The following MARK3 variants were observed in gnomAD, a reference collection of about 807,000 sequenced individuals.
MARK3 encodes MAP/microtubule affinity-regulating kinase 3.
In MARK3, 46 loss-of-function variants were observed where a neutral mutation model predicts 90.1. That is an observed-to-expected ratio of 0.51 (90% CI 0.40 to 0.65). MARK3 has a LOEUF of 0.65. Ranked by LOEUF, MARK3 falls within the 30% of genes least tolerant of loss-of-function variation. The pLI, the probability that MARK3 is intolerant of heterozygous loss-of-function variation, is 0.00. For synonymous variants in MARK3, 321 were observed against 332.6 expected (o/e 0.97, Z 0.38); for missense variants, 818 against 947.2 (o/e 0.86, Z 1.79).
intron 2 of MARK3, among the ~76,000 whole-genome samples, chr14:103,407,178 CAT>C (rs1404724191): frequency 1.3e-5 from 2 of 152,178 alleles, no homozygotes; most frequent in African/African-American, 4.8e-5. Context: ...TTGGAAATAT[CAT>C]AGAGTGTTTA....
intron 6 of MARK3, 44 bp from the exon 7 acceptor site, chr14:103,462,361 G>A (rs771388839): frequency 2.9e-5 from 40 of 1,398,148 alleles, no homozygotes; most frequent in East Asian, 4.6e-5. Flanking sequence ...TCTTAATTAC[G>A]AATCTGCACC....
rs190286270 is a variant in MARK3 at position 103,471,512 on chromosome 14, A to G, written c.1264+3326A>G. On this transcript the variant is annotated intron_variant, in intron 12 of 17. Transcript: ENST00000429436. ...AGCACCTCATTGGAGTAGCTTTTTC[A>G]TAATCCTCATCTTTCTTGGAATTTC... Among the ~76,000 whole-genome samples the G allele has an allele frequency of 1.0e-3, 156 of 152,270 alleles. 5 individuals carry two copies. In the East Asian group the frequency reaches 0.026, roughly 25 times the overall value.
intron 1 of MARK3, chr14:103,386,395 G>A (rs1443501135): frequency 1.5e-6 from 1 of 649,334 alleles, no homozygotes; most frequent in East Asian, 3.1e-5. Context: ...AAACGTGTGT[G>A]TCAGATCACT....
At chr14:103,418,798 A>G (rs2092073439) in intron 2 of MARK3, among the ~76,000 whole-genome samples, 1 of 152,192 alleles carries the variant, frequency 6.6e-6, no homozygotes. Context: ...TTGTTTTTGT[A>G]TATTTTCCAT....
chr14:103,481,757 C>CTGTTTTTTTT (rs2093823882), intron 14 of MARK3, among the ~76,000 whole-genome samples: 1 of 49,778 alleles, frequency 2.0e-5, no homozygotes, highest in Admixed American at 3.6e-4. Flanking sequence ...ATAGGTATTT[C>CTGTTTTTTTT]TTTTTTTTTT....
chr14:103,469,775 T>G (rs1316471214), intron 12 of MARK3, among the ~76,000 whole-genome samples: 2 of 151,814 alleles, frequency 1.3e-5, no homozygotes, highest in Non-Finnish European at 2.9e-5. Flanking sequence ...CTTTTAAAAT[T>G]TTCCTGGCCG....
intron 17 of MARK3, among the ~76,000 whole-genome samples, chr14:103,501,426 G>GTT (rs2075659009): frequency 6.6e-6 from 1 of 152,244 alleles, no homozygotes; most frequent in Non-Finnish European, 1.5e-5. Context: ...GCCACCAGCT[G>GTT]TTGTGGGGGT....
Position 103,466,068 on chromosome 14 carries a change from C to G in MARK3, c.874C>G (p.Pro292Ala). 1 of 1,613,920 alleles carries G rather than the reference C, an allele frequency of 6.2e-7. No individual in the cohort carries two copies. The highest frequency in any genetic ancestry group is 8.5e-7 in the Non-Finnish European group (1 of 1,179,976). The change falls in exon 9 of 18, where the codon CCA (proline) becomes GCA (alanine). Residue 292 changes from proline to alanine, a missense_variant. By Grantham distance (27) the Pro-to-Ala change is conservative. Around this residue, in one of 3 missense-constraint regions of MARK3, gnomAD observed 560 missense variants for 613.5 expected, o/e 0.91. Transcript: ENST00000429436. The stretch of plus-strand genomic sequence containing the variant: ...TCTCAAACGTTTCCTGGTGCTAAAT[C>G]CAATTAAACGCGGCACTCTAGAGGT... The part of the protein sequence containing the change: ...NLLKRFLVLN[P>A]IKRGTLEQIM...
chr14:103,387,971 TC>T (rs1356428288), intron 1 of MARK3, among the ~76,000 whole-genome samples: 1 of 152,102 alleles, frequency 6.6e-6, no homozygotes, highest in African/African-American at 2.4e-5. Context: ...TGGCTCTGTC[TC>T]CCAGGCTGGA....
At chr14:103,410,051 AAT>A (rs1325518193) in intron 2 of MARK3, among the ~76,000 whole-genome samples, 3 of 152,242 alleles carry the variant, frequency 2.0e-5, no homozygotes, top group Non-Finnish European at 2.9e-5. Flanking sequence ...ACCAAAATGG[AAT>A]AGAGTGTTCA....
chr14:103,388,917 A>C (rs1291082117), intron 1 of MARK3, among the ~76,000 whole-genome samples: 1 of 152,044 alleles, frequency 6.6e-6, no homozygotes, highest in African/African-American at 2.4e-5. Flanking sequence ...TAATCCACTC[A>C]CCAGTGATGG....
At chr14:103,421,612 A>C (rs2092225797) in intron 2 of MARK3, among the ~76,000 whole-genome samples, 1 of 152,204 alleles carries the variant, frequency 6.6e-6, no homozygotes, top group South Asian at 2.1e-4. Flanking sequence ...ACACAGAGTT[A>C]TTTTCTATGG....
intron 2 of MARK3, among the ~76,000 whole-genome samples, chr14:103,423,693 C>T (rs560882461): frequency 6.6e-6 from 1 of 152,136 alleles, no homozygotes; most frequent in Non-Finnish European, 1.5e-5. Context: ...GTCATCCCAG[C>T]GGGGAGCTAG....
At chr14:103,408,459 G>A (rs1415798539) in intron 2 of MARK3, among the ~76,000 whole-genome samples, 2 of 152,202 alleles carry the variant, frequency 1.3e-5, no homozygotes, top group Non-Finnish European at 2.9e-5. Flanking sequence ...AGAGTGCTGG[G>A]ATTACAGGCG....
chr14:103,450,831 G>A (rs1255432379), intron 4 of MARK3, among the ~76,000 whole-genome samples: 3 of 147,640 alleles, frequency 2.0e-5, no homozygotes, highest in Admixed American at 1.4e-4. Flanking sequence ...TATGCACAAT[G>A]GTGATTTGAT....
At chr14:103,436,384 C>A (rs1018244927) in intron 3 of MARK3, among the ~76,000 whole-genome samples, 7 of 150,828 alleles carry the variant, frequency 4.6e-5, no homozygotes, top group Admixed American at 1.3e-4. Flanking sequence ...CATTGAACAA[C>A]TCTTTTCATC....
rs572374113 is a variant in MARK3, at chr14:103,394,734, C to T, written c.51+8654C>T. On this transcript the variant is annotated intron_variant, in intron 1 of 17. Coordinates refer to ENST00000429436, the MANE Select transcript of MARK3 (RefSeq NM_001128918.3). The stretch of plus-strand genomic sequence containing the variant: ...GTATTGGTAGAATTTAATATAAAAT[C>T]AGAGAAGTTGAATTCACAGGTTTTG... 2.0e-5 allele frequency among the ~76,000 whole-genome samples: 3 copies of T among 152,150 alleles called. No individual in the cohort carries two copies. The South Asian group carries it at 6.2e-4, about 31-fold the overall frequency.
chr14:103,485,569 G>A (rs2093914239), intron 14 of MARK3, among the ~76,000 whole-genome samples: 1 of 152,082 alleles, frequency 6.6e-6, no homozygotes, highest in Non-Finnish European at 1.5e-5. Context: ...CACCATGCCT[G>A]TCCTTGGACT....
chr14:103,395,769 G>T (rs911067573), intron 1 of MARK3, among the ~76,000 whole-genome samples: 1 of 152,100 alleles, frequency 6.6e-6, no homozygotes, highest in Non-Finnish European at 1.5e-5. Context: ...TTTTTCCTCA[G>T]AATTTTGTTT....
Sources: allele counts gnomAD v4.1 joint callset (sites outside exome capture counted in the v4.1 genomes callset), GRCh38; gene constraint gnomAD v4.1.1; regional missense constraint gnomAD v4.1.1; transcripts MANE v1.5; gene names NCBI Gene and HGNC (gene_info 2026-07-23, HGNC 2026-07-21).